The following GPBP1L1 variants were observed in gnomAD, a reference collection of about 807,000 sequenced individuals.
GPBP1L1 encodes the protein vasculin-like protein 1.
Under a neutral mutation model 52.5 loss-of-function variants are expected in GPBP1L1, and 23 were observed. The observed-to-expected ratio is 0.44, with a 90% confidence interval of 0.32 to 0.62. The LOEUF (loss-of-function observed/expected upper bound fraction) is 0.62. GPBP1L1 is among the 20% of genes least tolerant of loss of function. The probability of loss-of-function intolerance (pLI) is 0.06; values close to 1 mark genes in which losing one functional copy is unlikely to be tolerated. For synonymous variants in GPBP1L1, 243 were observed against 203.1 expected (o/e 1.20, Z -1.67); for missense variants, 596 against 579.3 (o/e 1.03, Z -0.30).
chr1:45,655,176 T>C lies in GPBP1L1; in HGVS notation c.190+14A>G. On this transcript the variant is annotated intron_variant, in intron 5 of 12. Coordinates refer to ENST00000355105, the MANE Select transcript of GPBP1L1 (RefSeq NM_021639.5). ...GTAGCTTAAATATAGTCATGAAAGT[T>C]GGACATGGCTCACCTCCTGCAGTTC... The C allele has an allele frequency of 6.2e-7, 1 of 1,614,010 alleles. No individual in the cohort carries two copies.
chr1:45,671,270 T>A, intron 2 of GPBP1L1, among the ~76,000 whole-genome samples: 1 of 143,304 alleles, frequency 7.0e-6, no homozygotes. Flanking sequence ...AGTACAGTGG[T>A]GTGATCTCAG....
At chr1:45,659,819 T>C (rs1644927655) in intron 3 of GPBP1L1, among the ~76,000 whole-genome samples, 4 of 152,022 alleles carry the variant, frequency 2.6e-5, no homozygotes, top group Non-Finnish European at 5.9e-5. Context: ...CACACGTCTG[T>C]GGTCCCAGCT....
At chr1:45,678,962 T>A (rs951927565) in intron 2 of GPBP1L1, among the ~76,000 whole-genome samples, 2 of 152,238 alleles carry the variant, frequency 1.3e-5, no homozygotes, top group Non-Finnish European at 2.9e-5. Flanking sequence ...CACGGAGTTG[T>A]GAACAGTAGT....
Position 45,660,452 on chromosome 1 carries a change from T to TA in GPBP1L1, c.-325dup, listed in dbSNP as rs1644935268. The TA allele has an allele frequency of 1.1e-6, 1 of 924,564 alleles. No individual in the cohort carries two copies. Among genetic ancestry groups the TA allele is most frequent in the Non-Finnish European group, 1.3e-6 (1 of 776,444 alleles). 57.3% of individuals were successfully genotyped at this position (924,564 alleles called of 1,614,324 possible). A position where few individuals can be genotyped will look rare whatever the true frequency, so the allele number is the denominator to read the frequency against. On this transcript the variant is annotated 5_prime_UTR_variant, in exon 3 of 13. Coordinates refer to ENST00000355105, the MANE Select transcript of GPBP1L1 (RefSeq NM_021639.5). Reference sequence around the variant, plus strand: ...GAACATAAAAAGTATTTGTTACATTTAAAAAGGGGGGGAAGGGGAAAGAGC... The same window carrying TA: ...GAACATAAAAAGTATTTGTTACATTTAAAAAAGGGGGGGAAGGGGAAAGAGC...
In GPBP1L1 at chr1:45,630,600, C is replaced by G; in HGVS notation, c.1051G>C (p.Asp351His). The change falls in exon 11 of 13, where the codon GAC becomes CAC. Residue 351 changes from aspartate (D) to histidine (H), a missense_variant. Physicochemically the swap from Asp to His is moderately conservative, Grantham distance 81. Transcript: ENST00000355105. ...RDCDKLEDLE[D>H]NSTPEPKENG... ...TCCTTTGGTTCAGGTGTGCTGTTGT[C>G]CTCCAACTGCAATAAGGAAAAGGAA... 1 of 1,613,934 alleles carries G rather than the reference C, an allele frequency of 6.2e-7. No homozygotes were observed. Among genetic ancestry groups the G allele is most frequent in the Non-Finnish European group, 8.5e-7 (1 of 1,179,902 alleles).
rs1644936952 is a variant in GPBP1L1, at chr1:45,660,594, C to A, written c.-466G>T. 2 of 982,274 alleles carry A rather than the reference C, an allele frequency of 2.0e-6. No individual in the cohort carries two copies. The highest frequency in any genetic ancestry group is 2.3e-4 in the East Asian group (2 of 8,812). The allele number at this position is 982,274 out of a possible 1,614,324, so 60.8% of individuals were successfully genotyped here. On this transcript the variant is annotated 5_prime_UTR_variant, in exon 3 of 13. Coordinates refer to ENST00000355105, the MANE Select transcript of GPBP1L1 (RefSeq NM_021639.5). Reference sequence around the variant, plus strand: ...AATACTGTTCATAACAAGGTCATAGCTAGAAAGACAGATGGGCTCAAGTGT... The same window carrying A: ...AATACTGTTCATAACAAGGTCATAGATAGAAAGACAGATGGGCTCAAGTGT...
intron 6 of GPBP1L1, among the ~76,000 whole-genome samples, chr1:45,644,557 AT>A (rs5773888): frequency 0.54 from 80,531 of 149,736 alleles, 21,545 homozygotes; most frequent in Middle Eastern, 0.59. Flanking sequence ...TGATCACTGC[AT>A]TTTTTTTTTT....
At chr1:45,633,420 G>A in intron 10 of GPBP1L1, 69 bp downstream of exon 10, 1 of 1,519,224 alleles carries the variant, frequency 6.6e-7, no homozygotes. Flanking sequence ...TATCCTTTAA[G>A]AAGAAGAAAT....
At chr1:45,647,203 T>G (rs933231232) in intron 6 of GPBP1L1, among the ~76,000 whole-genome samples, 18 of 144,862 alleles carry the variant, frequency 1.2e-4, no homozygotes, top group Admixed American at 5.7e-4. Flanking sequence ...AGTTTCATAC[T>G]CTTGTTGCCC....
At chr1:45,670,824 ACT>A (rs1645065701) in intron 2 of GPBP1L1, among the ~76,000 whole-genome samples, 1 of 121,942 alleles carries the variant, frequency 8.2e-6, no homozygotes, top group South Asian at 2.4e-4. Context: ...ATGGAGTCTC[ACT>A]CTGTCACCCA....
intron 2 of GPBP1L1, among the ~76,000 whole-genome samples, chr1:45,674,759 C>T (rs1645118251): frequency 6.6e-6 from 1 of 152,198 alleles, no homozygotes; most frequent in African/African-American, 2.4e-5. Context: ...CAACAGCAAG[C>T]TCATGTAAGC....
At chr1:45,645,768 GTTTTT>G (rs200618825) in intron 6 of GPBP1L1, 2 of 208,774 alleles carry the variant, frequency 9.6e-6, no homozygotes, top group African/African-American at 6.5e-5. Flanking sequence ...GAAGTTTTTT[GTTTTT>G]TTTTTTTTTG....
chr1:45,638,949 A>G (rs1390032489), intron 8 of GPBP1L1, among the ~76,000 whole-genome samples: 1 of 152,194 alleles, frequency 6.6e-6, no homozygotes, highest in Non-Finnish European at 1.5e-5. Context: ...CTGCACACTG[A>G]CTATAGGACT....
chr1:45,680,724 A>T (rs921079710), intron 2 of GPBP1L1, among the ~76,000 whole-genome samples: 1 of 152,108 alleles, frequency 6.6e-6, no homozygotes. Flanking sequence ...TTTTTGTCCC[A>T]AATACCTACC....
chr1:45,641,368 CT>C (rs1644669841), intron 7 of GPBP1L1, among the ~76,000 whole-genome samples: 1 of 151,978 alleles, frequency 6.6e-6, no homozygotes, highest in African/African-American at 2.4e-5. Context: ...CCACTGCACT[CT>C]AGCCTGGGCG....
intron 2 of GPBP1L1, among the ~76,000 whole-genome samples, chr1:45,676,634 C>T (rs1291420314): frequency 1.4e-5 from 2 of 147,828 alleles, no homozygotes; most frequent in Non-Finnish European, 1.5e-5. Context: ...AGCTTGAACT[C>T]GGGAGGCAGA....
Position 45,682,563 on chromosome 1 carries a change from T to A in GPBP1L1, c.-1098+3013A>T, listed in dbSNP as rs1038756280. Among the ~76,000 whole-genome samples, 7 of 152,352 alleles carry A rather than the reference T, an allele frequency of 4.6e-5. No individual in the cohort carries two copies. The East Asian group carries it at 1.3e-3, about 29-fold the overall frequency. On this transcript the variant is annotated intron_variant, in intron 2 of 12. Transcript: ENST00000355105. ...TATCCTCCAACTATTAAGTATTATC[T>A]GTTAAACCGTAAAGTTCTTTGTTTT...
chr1:45,664,668 T>TTTTTG (rs141979663), intron 2 of GPBP1L1, among the ~76,000 whole-genome samples: 6 of 151,514 alleles, frequency 4.0e-5, no homozygotes, highest in African/African-American at 1.2e-4. Context: ...TCTCACAGTT[T>TTTTTG]TTTTGTTTTG....
At chr1:45,676,854 G>C (rs981665618) in intron 2 of GPBP1L1, among the ~76,000 whole-genome samples, 1 of 151,880 alleles carries the variant, frequency 6.6e-6, no homozygotes, top group African/African-American at 2.4e-5. Context: ...ACTCCAGCCT[G>C]GGTGACACAG....
Sources: allele counts gnomAD v4.1 joint callset (sites outside exome capture counted in the v4.1 genomes callset), GRCh38; gene constraint gnomAD v4.1.1; transcripts MANE v1.5; gene names NCBI Gene and HGNC (gene_info 2026-07-23, HGNC 2026-07-21).